The following PRIM2 variants were observed in gnomAD, a reference collection of about 807,000 sequenced individuals.
PRIM2 encodes DNA primase subunit 2.
A neutral mutation model predicts 67.3 loss-of-function variants in PRIM2; 39 were observed. The ratio of observed to expected loss-of-function variants is 0.58; its 90% CI spans 0.45 to 0.76. The LOEUF is 0.76. Among genes scored for constraint, PRIM2 ranks in the 30% least tolerant of loss-of-function variants. The probability of loss-of-function intolerance (pLI) is 0.00; values close to 1 mark genes in which losing one functional copy is unlikely to be tolerated. For synonymous variants in PRIM2, 143 were observed against 198.7 expected (o/e 0.72, Z 2.36); for missense variants, 398 against 598.7 (o/e 0.66, Z 3.50).
At chr6:57,289,771 C>T in the PRIM2 span, among the ~76,000 whole-genome samples, 1 of 152,094 alleles carries the variant, frequency 6.6e-6, no homozygotes, top group Non-Finnish European at 1.5e-5. Flanking sequence ...ATTTTGTCAC[C>T]ACCAGGCCTG....
At chr6:57,240,687 A>C in the PRIM2 span, among the ~76,000 whole-genome samples, 103 of 152,296 alleles carry the variant, frequency 6.8e-4, 1 homozygote, top group African/African-American at 2.5e-3. Context: ...CCAAGGAGAG[A>C]TAATTGATAG....
At chr6:57,462,275 T>C (rs1773033965) in intron 7 of PRIM2, among the ~76,000 whole-genome samples, 1 of 152,220 alleles carries the variant, frequency 6.6e-6, no homozygotes, top group Non-Finnish European at 1.5e-5. Context: ...TCTACAAAAA[T>C]CGAGGAAATG....
chr6:57,315,122 G>T (rs891182239), upstream of PRIM2, among the ~76,000 whole-genome samples: 1 of 152,150 alleles, frequency 6.6e-6, no homozygotes, highest in Non-Finnish European at 1.5e-5. Context: ...AATGACACTG[G>T]CTACTTCGTC....
chr6:57,482,106 A>G (rs1384599733), intron 7 of PRIM2, among the ~76,000 whole-genome samples: 2 of 151,862 alleles, frequency 1.3e-5, no homozygotes, highest in Non-Finnish European at 2.9e-5. Flanking sequence ...AAATTTGGGT[A>G]TTGATGCCTG....
the PRIM2 span, among the ~76,000 whole-genome samples, chr6:57,246,730 G>A: frequency 6.6e-6 from 1 of 152,142 alleles, no homozygotes; most frequent in Admixed American, 6.6e-5. Context: ...AAGGAGAGCT[G>A]GGCAGATGTC....
intron 7 of PRIM2, among the ~76,000 whole-genome samples, chr6:57,455,704 G>C (rs1772747479): frequency 6.6e-6 from 1 of 152,172 alleles, no homozygotes; most frequent in Non-Finnish European, 1.5e-5. Flanking sequence ...TGGGTTTCCT[G>C]AATACAGCCC....
At chr6:57,631,073 A>G (rs1777030989) in intron 12 of PRIM2, among the ~76,000 whole-genome samples, 2 of 152,170 alleles carry the variant, frequency 1.3e-5, no homozygotes, top group South Asian at 4.1e-4. Context: ...GAGAAAAACA[A>G]TTTTTGAAGC....
At chr6:57,295,005 C>T in the PRIM2 span, among the ~76,000 whole-genome samples, 1 of 152,064 alleles carries the variant, frequency 6.6e-6, no homozygotes, top group Admixed American at 6.5e-5. Flanking sequence ...GAAGGGGTTT[C>T]ATCATGTTGG....
intron 8 of PRIM2, among the ~76,000 whole-genome samples, chr6:57,508,731 C>T (rs1377031882): frequency 6.6e-6 from 1 of 152,148 alleles, no homozygotes; most frequent in Non-Finnish European, 1.5e-5. Flanking sequence ...TATTGTGATC[C>T]TGTGCATTTT....
At position 57,592,478 on chromosome 6, in the gene PRIM2, A is replaced by T. The variant is rs1403187259; in HGVS notation, c.1021-8615A>T. 6.6e-5 allele frequency among the ~76,000 whole-genome samples: 10 copies of T among 152,298 alleles called. No individual in the cohort carries two copies. In the East Asian group the frequency reaches 9.7e-4, roughly 15 times the overall value. Reference sequence around the variant, plus strand: ...TTATTGTTCAAGCCGACCTTGCATAATGAAGGTTTTGTTGCTTTGAAAATA... The same window carrying T: ...TTATTGTTCAAGCCGACCTTGCATATTGAAGGTTTTGTTGCTTTGAAAATA... On this transcript the variant is annotated intron_variant, in intron 10 of 13. Coordinates refer to ENST00000615550, the MANE Select transcript of PRIM2 (RefSeq NM_000947.5).
intron 7 of PRIM2, among the ~76,000 whole-genome samples, chr6:57,487,933 A>G (rs1773791748): frequency 6.6e-6 from 1 of 152,192 alleles, no homozygotes; most frequent in Non-Finnish European, 1.5e-5. Context: ...AGGCCTGTTT[A>G]TATGTTCCCT....
intron 8 of PRIM2, among the ~76,000 whole-genome samples, chr6:57,524,335 C>G (rs1554349166): frequency 1.3e-5 from 2 of 152,164 alleles, no homozygotes; most frequent in East Asian, 1.9e-4. Context: ...TAATATGAGA[C>G]GGAAAAGTTC....
At chr6:57,538,332 T>C (rs1775043035) in intron 10 of PRIM2, among the ~76,000 whole-genome samples, 1 of 152,146 alleles carries the variant, frequency 6.6e-6, no homozygotes, top group East Asian at 1.9e-4. Context: ...ACCTAGCCTA[T>C]AGAACATTTT....
intron 7 of PRIM2, among the ~76,000 whole-genome samples, chr6:57,502,172 A>G (rs1581956750): frequency 6.6e-6 from 1 of 152,172 alleles, no homozygotes; most frequent in African/African-American, 2.4e-5. Context: ...CCCTAGAGAA[A>G]CCTTGGAAGT....
chr6:57,453,529 T>A (rs1581919604), intron 7 of PRIM2, among the ~76,000 whole-genome samples: 1 of 152,120 alleles, frequency 6.6e-6, no homozygotes, highest in Non-Finnish European at 1.5e-5. Context: ...TTCCTAGGTA[T>A]TTTATTCTCT....
chr6:57,275,847 G>A, the PRIM2 span, among the ~76,000 whole-genome samples: 2 of 151,962 alleles, frequency 1.3e-5, no homozygotes, highest in South Asian at 4.2e-4. Flanking sequence ...CCACCAAACG[G>A]GTAACAGAAA....
chr6:57,554,038 T>G (rs1775458521), intron 10 of PRIM2, among the ~76,000 whole-genome samples: 2 of 152,346 alleles, frequency 1.3e-5, no homozygotes, highest in South Asian at 2.1e-4. Context: ...TGATGATGAT[T>G]ATCTGCTACA....
chr6:57,446,528 C>T (rs1264293172), intron 7 of PRIM2, among the ~76,000 whole-genome samples: 2 of 150,070 alleles, frequency 1.3e-5, no homozygotes, highest in African/African-American at 2.5e-5. Context: ...GTTCTCTTGC[C>T]TCAGCCTCCC....
At chr6:57,476,087 C>T (rs1422855854) in intron 7 of PRIM2, among the ~76,000 whole-genome samples, 1 of 152,004 alleles carries the variant, frequency 6.6e-6, no homozygotes, top group Non-Finnish European at 1.5e-5. Flanking sequence ...TTTGGGTGTC[C>T]TAGATACACT....
Sources: gnomAD v4.1 joint callset for allele counts (sites outside exome capture counted in the v4.1 genomes callset) on GRCh38, gnomAD v4.1.1 for gene constraint, MANE v1.5 for transcripts, NCBI Gene and HGNC (gene_info 2026-07-23, HGNC 2026-07-21) for gene names.